Variants in PRKACA observed in about 807,000 individuals in gnomAD.
The protein encoded by PRKACA is cAMP-dependent protein kinase catalytic subunit alpha.
Under a neutral mutation model 45.8 loss-of-function variants are expected in PRKACA, and 9 were observed. The observed-to-expected ratio is 0.20, with a 90% CI of 0.12 to 0.34. The LOEUF (loss-of-function observed/expected upper bound fraction) is 0.34. Ranked by LOEUF, PRKACA falls within the 10% of genes least tolerant of loss-of-function variation. The pLI is 1.00. For synonymous variants in PRKACA, 160 were observed against 178.6 expected (o/e 0.90, Z 0.83); for missense variants, 238 against 458.6 (o/e 0.52, Z 4.39).
chr19:14,106,617 G>T, intron 3 of PRKACA, 143 bp downstream of exon 3: 1 of 1,184,858 alleles, frequency 8.4e-7, no homozygotes, highest in Non-Finnish European at 1.2e-6. Context: ...TCACGCCACT[G>T]TACTCCAGCC....
At chr19:14,104,283 GCTGAGATCACACCACTGCAGTCCAGC>G (rs2144464865) in intron 3 of PRKACA, among the ~76,000 whole-genome samples, 1 of 147,214 alleles carries the variant, frequency 6.8e-6, no homozygotes, top group East Asian at 2.0e-4. Flanking sequence ...CTGGCAGTGA[GCTGAGATCACACCACTGCAGTCCAGC>G]CTGGGTGGCA....
Position 14,117,602 on chromosome 19 carries a change from T to C in PRKACA, c.-55A>G. On this transcript the variant is annotated 5_prime_UTR_variant, in exon 1 of 10. Coordinates refer to ENST00000308677, the MANE Select transcript of PRKACA (RefSeq NM_002730.4). ...GAGCTGCGGCGCGGCGGGTGCTGGC[T>C]GCGGCCGGCGGCCCCGGAGCGCGCT... The C allele has an allele frequency of 1.0e-6, 1 of 958,904 alleles. No individual in the cohort carries two copies. The highest frequency in any genetic ancestry group is 1.2e-6 in the Non-Finnish European group (1 of 806,950). 59.4% of individuals were successfully genotyped at this position (958,904 alleles called of 1,614,324 possible). A position where few individuals can be genotyped will look rare whatever the true frequency, so the allele number is the denominator to read the frequency against.
rs924001692 is a variant in PRKACA, at chr19:14,107,196, A to G, written c.108+152T>C. ...GCATTGGGCAGTCAGGTGTCTCCAC[A>G]CAGGAGCCCCCATGGGCACCTAGGG... is the stretch of plus-strand genomic sequence containing the variant. On this transcript the variant is annotated intron_variant, in intron 2 of 9. Transcript: ENST00000308677. 8 of 877,362 alleles carry G rather than the reference A, an allele frequency of 9.1e-6. No homozygotes were observed. The Admixed American group carries it at 1.9e-4, about 21-fold the overall frequency. The allele number at this position is 877,362 out of a possible 1,614,324, so 54.3% of individuals were successfully genotyped here.
At chr19:14,112,226 C>G (rs917022015) in intron 1 of PRKACA, 14 of 150,290 alleles carry the variant, frequency 9.3e-5, no homozygotes, top group African/African-American at 2.4e-4. Flanking sequence ...AGAGGCCCCA[C>G]ACTCACCTCT....
chr19:14,110,447 C>G (rs1399318742), intron 1 of PRKACA, among the ~76,000 whole-genome samples: 2 of 151,936 alleles, frequency 1.3e-5, no homozygotes, highest in African/African-American at 4.8e-5. Context: ...TGGTATGCAC[C>G]TGTAGTCCCA....
intron 1 of PRKACA, chr19:14,114,294 G>T: frequency 1.7e-6 from 2 of 1,195,642 alleles, no homozygotes; most frequent in South Asian, 1.3e-5. Context: ...AGCAGGAAGA[G>T]AAACCCAACC....
At chr19:14,105,188 G>A (rs117816273) in intron 3 of PRKACA, among the ~76,000 whole-genome samples, 2,532 of 152,196 alleles carry the variant, frequency 0.017, 38 homozygotes, top group Middle Eastern at 0.041. Context: ...TATGGAAAGG[G>A]TAATACTGTA....
At position 14,114,293 on chromosome 19, in the gene PRKACA, A is replaced by C. The variant is rs1967060018; in HGVS notation, c.46+3209T>G. 3.3e-6 allele frequency: 4 copies of C among 1,216,690 alleles called. No homozygotes were observed. In the African/African-American group the frequency reaches 4.5e-5, roughly 14 times the overall value. The allele number at this position is 1,216,690 out of a possible 1,614,324, so 75.4% of individuals were successfully genotyped here. A position where few individuals can be genotyped will look rare whatever the true frequency, so the allele number is the denominator to read the frequency against. On this transcript the variant is annotated intron_variant, in intron 1 of 9. Coordinates refer to ENST00000308677, the MANE Select transcript of PRKACA (RefSeq NM_002730.4). ...GGAGCCGTGGGGTGGGAGCAGGAAG[A>C]GAAACCCAACCCAGAGGCCACTGGG...
chr19:14,096,500 G>A lies in PRKACA; in HGVS notation c.765+861C>T, dbSNP rs1977263749. The A allele has an allele frequency of 2.0e-5, 3 of 152,584 alleles. No individual in the cohort carries two copies. The South Asian group carries it at 6.2e-4, about 31-fold the overall frequency. The allele number at this position is 152,584 out of a possible 1,614,324, so 9.5% of individuals were successfully genotyped here. ...CCCCAAAGTTTCAAAGCCAGTCGGTGGCAGAGCTGGGACTGGGGCCCAGGC... is the reference window on the plus strand; with the variant it reads ...CCCCAAAGTTTCAAAGCCAGTCGGTAGCAGAGCTGGGACTGGGGCCCAGGC... On this transcript the variant is annotated intron_variant, in intron 8 of 9. Coordinates refer to ENST00000308677, the MANE Select transcript of PRKACA (RefSeq NM_002730.4).
At chr19:14,105,525 CAT>C (rs1034276034) in intron 3 of PRKACA, among the ~76,000 whole-genome samples, 9 of 150,174 alleles carry the variant, frequency 6.0e-5, no homozygotes, top group African/African-American at 2.0e-4. Context: ...AAAAAAAAAA[CAT>C]AAAAAAAAGC....
intron 3 of PRKACA, among the ~76,000 whole-genome samples, chr19:14,103,351 T>C (rs1439124641): frequency 6.6e-6 from 1 of 152,098 alleles, no homozygotes; most frequent in Non-Finnish European, 1.5e-5. Context: ...GCCTTACCCT[T>C]GTCTAGAACA....
chr19:14,109,660 G>A (rs947566315), intron 1 of PRKACA, among the ~76,000 whole-genome samples: 2 of 149,512 alleles, frequency 1.3e-5, no homozygotes, highest in African/African-American at 2.5e-5. Flanking sequence ...GGGAGCGATC[G>A]GGCATGGTGG....
At chr19:14,109,991 T>C (rs1419474501) in intron 1 of PRKACA, among the ~76,000 whole-genome samples, 73 of 80,712 alleles carry the variant, frequency 9.0e-4, no homozygotes, top group African/African-American at 4.7e-3. Context: ...TATATATATA[T>C]ATATATATAC....
At chr19:14,099,090 G>A (rs932801838) in intron 5 of PRKACA, among the ~76,000 whole-genome samples, 2 of 151,934 alleles carry the variant, frequency 1.3e-5, no homozygotes, top group African/African-American at 2.4e-5. Context: ...TCAGGAGTTC[G>A]AGACCAGCCT....
At position 14,093,804 on chromosome 19, in the gene PRKACA, G is replaced by A; in HGVS notation, c.766-12C>T. ...GAAGGGAAGCGCACCTGGAGGAAGGGGTACAAGGACAGGGTGGGAAGCTGG... is the reference window on the plus strand; with the variant it reads ...GAAGGGAAGCGCACCTGGAGGAAGGAGTACAAGGACAGGGTGGGAAGCTGG... On this transcript the variant is annotated splice_polypyrimidine_tract_variant and intron_variant, in intron 8 of 9. Transcript: ENST00000308677. 7 of 1,608,812 alleles carry A rather than the reference G, an allele frequency of 4.4e-6. No homozygotes were observed. The highest frequency in any genetic ancestry group is 5.9e-6 in the Non-Finnish European group (7 of 1,177,546).
chr19:14,095,160 T>TTTTTTTTC (rs990752862), intron 8 of PRKACA, among the ~76,000 whole-genome samples: 1 of 151,948 alleles, frequency 6.6e-6, no homozygotes, highest in South Asian at 2.1e-4. Flanking sequence ...TCTGGGACAT[T>TTTTTTTTC]TTTTTTTCTT....
chr19:14,116,326 C>A (rs1967104939), intron 1 of PRKACA, among the ~76,000 whole-genome samples: 1 of 152,108 alleles, frequency 6.6e-6, no homozygotes, highest in South Asian at 2.1e-4. Flanking sequence ...CTGGAAAAGA[C>A]CAACCTAATG....
chr19:14,116,391 GAATCACTAGACGTCAAAGCA>G (rs1190345421), intron 1 of PRKACA, among the ~76,000 whole-genome samples: 1 of 152,174 alleles, frequency 6.6e-6, no homozygotes, highest in Non-Finnish European at 1.5e-5. Flanking sequence ...GGAATGATCA[GAATCACTAGACGTCAAAGCA>G]AATCACTAGA....
rs1023514567 is a variant in PRKACA, at chr19:14,107,944, G to A, written c.47-535C>T. The A allele has an allele frequency of 3.2e-5, 32 of 987,000 alleles. 1 individual carries two copies. The South Asian group carries it at 5.6e-4, about 17-fold the overall frequency. The allele number at this position is 987,000 out of a possible 1,614,324, so 61.1% of individuals were successfully genotyped here. On this transcript the variant is annotated intron_variant, in intron 1 of 9. Transcript: ENST00000308677. ...AGCTGGTTCAAGGGAAGTCTCGCCC[G>A]ATGCCCACTCCTCGGCCCCATGGTA...
Sources: allele counts gnomAD v4.1 joint callset (sites outside exome capture counted in the v4.1 genomes callset), GRCh38; gene constraint gnomAD v4.1.1; transcripts MANE v1.5; gene names NCBI Gene and HGNC (gene_info 2026-07-23, HGNC 2026-07-21).